BBX: variants seen among roughly 807,000 people sequenced by gnomAD.
BBX encodes HMG box transcription factor BBX.
BBX carries 30 observed loss-of-function variants against 100.2 expected under a neutral mutation model. That is an observed-to-expected ratio of 0.30 (90% CI 0.22 to 0.41). The LOEUF is 0.41. BBX is among the 10% of genes least tolerant of loss of function. The probability of loss-of-function intolerance (pLI) is 1.00; values close to 1 mark genes in which losing one functional copy is unlikely to be tolerated. For synonymous variants in BBX, 376 were observed against 388.1 expected, an observed-to-expected ratio of 0.97 and a Z score of 0.37; for missense variants, 1,023 against 1,129.8, an observed-to-expected ratio of 0.91 and a Z score of 1.35.
intron 13 of BBX, among the ~76,000 whole-genome samples, chr3:107,780,976 ATTTGTCTATATTTTATTT>A (rs1462377265): frequency 6.6e-6 from 1 of 151,826 alleles, no homozygotes; most frequent in African/African-American, 2.4e-5. Context: ...ATAATTTGCC[ATTTGTCTATATTTTATTT>A]TTTCATTTGT....
chr3:107,668,714 C>T (rs2058874589), intron 3 of BBX, among the ~76,000 whole-genome samples: 1 of 152,212 alleles, frequency 6.6e-6, no homozygotes, highest in Admixed American at 6.5e-5. Flanking sequence ...CTTCTTCACT[C>T]ATTGGAGCTT....
chr3:107,542,396 T>TA (rs2048922322), intron 2 of BBX, among the ~76,000 whole-genome samples: 1 of 152,218 alleles, frequency 6.6e-6, no homozygotes, highest in Non-Finnish European at 1.5e-5. Flanking sequence ...AGTGTAATAT[T>TA]AATGGCTACA....
intron 2 of BBX, among the ~76,000 whole-genome samples, chr3:107,596,478 C>T (rs2053674002): frequency 6.6e-6 from 1 of 152,104 alleles, no homozygotes; most frequent in Non-Finnish European, 1.5e-5. Context: ...AGTTGGGACC[C>T]AGAGAGTTTC....
chr3:107,609,812 A>G (rs943499152), intron 2 of BBX, among the ~76,000 whole-genome samples: 4 of 151,730 alleles, frequency 2.6e-5, no homozygotes, highest in Non-Finnish European at 5.9e-5. Context: ...TTATCTTTTC[A>G]AAAAAACCAG....
chr3:107,673,961 G>C (rs2059153501), intron 3 of BBX, among the ~76,000 whole-genome samples: 1 of 152,146 alleles, frequency 6.6e-6, no homozygotes, highest in African/African-American at 2.4e-5. Flanking sequence ...TTGGTGGACA[G>C]ATGTGAACTG....
At chr3:107,640,470 G>T (rs1274710660) in intron 2 of BBX, among the ~76,000 whole-genome samples, 1 of 151,884 alleles carries the variant, frequency 6.6e-6, no homozygotes. Context: ...GGTTCTTCAG[G>T]TTCCAGTTTT....
intron 8 of BBX, among the ~76,000 whole-genome samples, chr3:107,746,942 A>T (rs2064665056): frequency 2.0e-5 from 3 of 152,134 alleles, no homozygotes; most frequent in Admixed American, 1.3e-4. Flanking sequence ...TGAAGGAAAG[A>T]CTTGTGGGAT....
chr3:107,699,886 G>C lies in BBX; in HGVS notation c.-9-10566G>C, dbSNP rs561195052. Reference sequence around the variant, plus strand: ...TGAGGTAGAGAAGCCAGAGGTGATAGACATGTTGGAACAATTTGTAAGTTC... The same window carrying C: ...TGAGGTAGAGAAGCCAGAGGTGATACACATGTTGGAACAATTTGTAAGTTC... On this transcript the variant is annotated intron_variant, in intron 3 of 17. Coordinates refer to ENST00000325805, the MANE Select transcript of BBX (RefSeq NM_001142568.3). 2.6e-5 allele frequency among the ~76,000 whole-genome samples: 4 copies of C among 152,086 alleles called. No individual in the cohort carries two copies. The East Asian group carries it at 7.7e-4, about 29-fold the overall frequency.
At chr3:107,532,669 C>T (rs955509840) in intron 2 of BBX, among the ~76,000 whole-genome samples, 1 of 152,172 alleles carries the variant, frequency 6.6e-6, no homozygotes, top group Non-Finnish European at 1.5e-5. Context: ...CAGAAGACTA[C>T]AGGTATCAGG....
intron 10 of BBX, among the ~76,000 whole-genome samples, chr3:107,766,351 T>G (rs1352560006): frequency 6.6e-6 from 1 of 152,218 alleles, no homozygotes; most frequent in Non-Finnish European, 1.5e-5. Flanking sequence ...TATCGACTGT[T>G]AAGACAAAAA....
intron 13 of BBX, among the ~76,000 whole-genome samples, chr3:107,780,150 T>C (rs934173687): frequency 2.6e-5 from 4 of 152,048 alleles, no homozygotes; most frequent in Admixed American, 6.6e-5. Flanking sequence ...TATTTAGGAA[T>C]AGGAAAAGTA....
At chr3:107,689,075 A>G (rs569471828) in intron 3 of BBX, among the ~76,000 whole-genome samples, 73 of 152,308 alleles carry the variant, frequency 4.8e-4, no homozygotes, top group African/African-American at 1.7e-3. Context: ...AGGGCGATCA[A>G]GTATATTTTA....
chr3:107,573,126 G>A (rs1360056422), intron 2 of BBX, among the ~76,000 whole-genome samples: 1 of 152,058 alleles, frequency 6.6e-6, no homozygotes, highest in Non-Finnish European at 1.5e-5. Flanking sequence ...TGTGTACGTA[G>A]AATAAATCTA....
intron 2 of BBX, among the ~76,000 whole-genome samples, chr3:107,628,457 T>A (rs2056345209): frequency 6.6e-6 from 1 of 152,020 alleles, no homozygotes; most frequent in South Asian, 2.1e-4. Context: ...ACAAAACTAA[T>A]CATTTGAAGC....
At chr3:107,728,357 G>T (rs762059218) in intron 5 of BBX, among the ~76,000 whole-genome samples, 1 of 152,112 alleles carries the variant, frequency 6.6e-6, no homozygotes, top group African/African-American at 2.4e-5. Context: ...GGAATCTAAG[G>T]TTGAGGCCCA....
chr3:107,803,601 A>G (rs1258881548), intron 17 of BBX, among the ~76,000 whole-genome samples: 1 of 152,180 alleles, frequency 6.6e-6, no homozygotes, highest in Non-Finnish European at 1.5e-5. Flanking sequence ...TTGTTAAGAG[A>G]CCAGTTTATT....
At chr3:107,550,015 A>G (rs1048885222) in intron 2 of BBX, among the ~76,000 whole-genome samples, 2 of 151,890 alleles carry the variant, frequency 1.3e-5, no homozygotes, top group Non-Finnish European at 2.9e-5. Context: ...TTTCCTCCTT[A>G]TTCATTCATT....
chr3:107,526,272 T>A, intron 1 of BBX, 55 bp from the exon 2 acceptor site: 1 of 398,618 alleles, frequency 2.5e-6, no homozygotes, highest in Non-Finnish European at 4.4e-6. Context: ...CTTGGGACTG[T>A]ACTATTGTAA....
intron 2 of BBX, among the ~76,000 whole-genome samples, chr3:107,621,151 C>G (rs949341216): frequency 2.1e-4 from 32 of 152,130 alleles, no homozygotes; most frequent in African/African-American, 7.7e-4. Flanking sequence ...TAAAAGTTTT[C>G]TGTCTTGCTA....
Sources: gnomAD v4.1 joint callset for allele counts (sites outside exome capture counted in the v4.1 genomes callset) on GRCh38, gnomAD v4.1.1 for gene constraint, MANE v1.5 for transcripts, NCBI Gene and HGNC (gene_info 2026-07-23, HGNC 2026-07-21) for gene names.